PRKD1: variants seen among roughly 807,000 people sequenced by gnomAD.
The protein encoded by PRKD1 is serine/threonine-protein kinase D1.
PRKD1 carries 63 observed loss-of-function variants against 95.9 expected under a neutral mutation model. The ratio of observed to expected loss-of-function variants is 0.66; its 90% CI spans 0.54 to 0.81. The LOEUF (loss-of-function observed/expected upper bound fraction) is 0.81, where lower values mean the gene tolerates loss of function less well. Among genes scored for constraint, PRKD1 ranks in the 30% least tolerant of loss-of-function variants. PRKD1 has a pLI of 0.00. For missense variants in PRKD1, 1,048 were observed against 1,165.3 expected (o/e 0.90, Z 1.47); for synonymous variants, 425 against 423.1 (o/e 1.00, Z -0.05).
intron 1 of PRKD1, among the ~76,000 whole-genome samples, chr14:29,773,680 C>T (rs574753317): frequency 5.3e-5 from 8 of 152,170 alleles, no homozygotes; most frequent in Admixed American, 5.2e-4. Flanking sequence ...GAAAAGAACA[C>T]AGCAATTTAA....
At chr14:29,828,215 T>C (rs140815763) in intron 1 of PRKD1, among the ~76,000 whole-genome samples, 163 of 152,136 alleles carry the variant, frequency 1.1e-3, no homozygotes, top group African/African-American at 3.6e-3. Flanking sequence ...GCAGGCTGTA[T>C]AGGAAGTCTG....
intron 13 of PRKD1, among the ~76,000 whole-genome samples, chr14:29,615,560 G>C (rs1284956369): frequency 6.6e-6 from 1 of 152,198 alleles, no homozygotes; most frequent in East Asian, 1.9e-4. Flanking sequence ...TTTTGCCAAT[G>C]CCGGGCTTCT....
intron 1 of PRKD1, among the ~76,000 whole-genome samples, chr14:29,904,036 G>A (rs1894412005): frequency 6.6e-6 from 1 of 151,892 alleles, no homozygotes; most frequent in African/African-American, 2.4e-5. Flanking sequence ...TTATAAACTT[G>A]GAAACATTTG....
intron 1 of PRKD1, among the ~76,000 whole-genome samples, chr14:29,826,181 T>C (rs1037168088): frequency 3.5e-5 from 5 of 141,124 alleles, no homozygotes; most frequent in African/African-American, 1.3e-4. Context: ...TGATGGAATA[T>C]ATATATACAT....
chr14:29,924,766 A>C (rs1263100362), intron 1 of PRKD1, among the ~76,000 whole-genome samples: 1 of 152,144 alleles, frequency 6.6e-6, no homozygotes, highest in Non-Finnish European at 1.5e-5. Flanking sequence ...CTTCCAAAAA[A>C]AAACTGAAAT....
intron 2 of PRKD1, among the ~76,000 whole-genome samples, chr14:29,708,485 T>G (rs1163726034): frequency 6.6e-6 from 1 of 152,208 alleles, no homozygotes; most frequent in East Asian, 1.9e-4. Flanking sequence ...AAGGTTTGTC[T>G]AGATATTTCG....
At chr14:29,844,632 A>G (rs1892008453) in intron 1 of PRKD1, among the ~76,000 whole-genome samples, 1 of 152,242 alleles carries the variant, frequency 6.6e-6, no homozygotes, top group South Asian at 2.1e-4. Context: ...TATCATACAT[A>G]GACATAGGTA....
intron 1 of PRKD1, among the ~76,000 whole-genome samples, chr14:29,752,857 T>G (rs1430293214): frequency 6.6e-6 from 1 of 152,122 alleles, no homozygotes; most frequent in Non-Finnish European, 1.5e-5. Context: ...TAACCTTTAC[T>G]TTCTGTTGCT....
At chr14:29,750,446 G>A (rs886895873) in intron 1 of PRKD1, among the ~76,000 whole-genome samples, 3 of 151,996 alleles carry the variant, frequency 2.0e-5, no homozygotes, top group East Asian at 1.9e-4. Flanking sequence ...AATTAAATGC[G>A]AGCTATACAT....
At chr14:29,885,137 AAAAAAAG>A (rs1436604542) in intron 1 of PRKD1, among the ~76,000 whole-genome samples, 1 of 151,674 alleles carries the variant, frequency 6.6e-6, no homozygotes, top group Non-Finnish European at 1.5e-5. Flanking sequence ...AAAAAAAAAA[AAAAAAAG>A]AATTAGTAAA....
intron 2 of PRKD1, among the ~76,000 whole-genome samples, chr14:29,683,981 A>C (rs371510000): frequency 6.6e-6 from 1 of 152,148 alleles, no homozygotes; most frequent in Non-Finnish European, 1.5e-5. Flanking sequence ...CACAATTAAC[A>C]ACAATTAACA....
At chr14:29,651,991 C>T (rs1012181583) in intron 4 of PRKD1, among the ~76,000 whole-genome samples, 51 of 152,178 alleles carry the variant, frequency 3.4e-4, no homozygotes, top group African/African-American at 1.2e-3. Context: ...GGTGATCCAC[C>T]CGCCTTGGCC....
intron 1 of PRKD1, among the ~76,000 whole-genome samples, chr14:29,754,725 A>G (rs1482344626): frequency 6.6e-6 from 1 of 152,084 alleles, no homozygotes; most frequent in East Asian, 1.9e-4. Context: ...AAAAAAGTTT[A>G]CTATGACTTG....
In PRKD1 at chr14:29,599,657, T is replaced by C; in HGVS notation, c.2066A>G (p.Gln689Arg). 1 of 1,608,372 alleles carries C rather than the reference T, an allele frequency of 6.2e-7. No homozygotes were observed. Among genetic ancestry groups the C allele is most frequent in the Non-Finnish European group, 8.5e-7 (1 of 1,177,556 alleles). The change falls in exon 14 of 18, where the codon CAG becomes CGG. Residue 689 changes from glutamine to arginine, a missense_variant and splice_region_variant. Gln to Arg is a conservative substitution (Grantham distance 43, BLOSUM62 1). This residue lies in a region of PRKD1 where 739 missense variants were observed against 861.9 expected (regional missense o/e 0.86). Transcript: ENST00000331968. ...TTCCGTCTCTAATTGATTTCTTACC[T>C]GAGTAATTAAAAACTTCGTTATGTG... ...PEHITKFLIT[Q>R]ILVALRHLHF...
chr14:29,846,734 C>A (rs527270750), intron 1 of PRKD1, among the ~76,000 whole-genome samples: 1 of 152,258 alleles, frequency 6.6e-6, no homozygotes, highest in East Asian at 1.9e-4. Context: ...AGGCAGAGAC[C>A]AGTTAGCTGG....
intron 1 of PRKD1, among the ~76,000 whole-genome samples, chr14:29,799,917 T>C (rs1045992075): frequency 6.6e-6 from 1 of 152,174 alleles, no homozygotes; most frequent in Non-Finnish European, 1.5e-5. Context: ...GCCACATTTT[T>C]TGCATTTTGT....
intron 1 of PRKD1, among the ~76,000 whole-genome samples, chr14:29,812,179 T>A (rs1460123053): frequency 6.6e-6 from 1 of 151,996 alleles, no homozygotes; most frequent in African/African-American, 2.4e-5. Flanking sequence ...CCATGCAGAG[T>A]TACAAGGGAT....
At chr14:29,696,239 AAT>A (rs35354249) in intron 2 of PRKD1, among the ~76,000 whole-genome samples, 76,925 of 151,774 alleles carry the variant, frequency 0.51, 21,738 homozygotes, top group African/African-American at 0.77. Context: ...ATTATCTAGT[AAT>A]AGAGTCAGGC....
intron 8 of PRKD1, among the ~76,000 whole-genome samples, chr14:29,634,081 A>C (rs575409705): frequency 5.3e-5 from 8 of 152,322 alleles, no homozygotes; most frequent in African/African-American, 1.9e-4. Flanking sequence ...CCTAGAATGC[A>C]GTGTTTCCTA....
Sources: gnomAD v4.1 joint callset for allele counts (sites outside exome capture counted in the v4.1 genomes callset) on GRCh38, gnomAD v4.1.1 for gene constraint, gnomAD v4.1.1 regional missense constraint, MANE v1.5 for transcripts, NCBI Gene and HGNC (gene_info 2026-07-23, HGNC 2026-07-21) for gene names.